SSBP2: variants seen among roughly 807,000 people sequenced by gnomAD.
SSBP2 encodes the protein single-stranded DNA-binding protein 2.
SSBP2 carries 17 observed loss-of-function variants against 61.8 expected under a neutral mutation model. The ratio of observed to expected loss-of-function variants is 0.28; its 90% CI spans 0.19 to 0.41. The LOEUF is 0.41. Ranked by LOEUF, SSBP2 falls within the 10% of genes least tolerant of loss-of-function variation. SSBP2 has a pLI of 1.00. For synonymous variants in SSBP2, 139 were observed against 141.3 expected (o/e 0.98, Z 0.12); for missense variants, 310 against 458.7 (o/e 0.68, Z 2.96).
intron 1 of SSBP2, among the ~76,000 whole-genome samples, chr5:81,678,498 A>C (rs1752156195): frequency 2.6e-5 from 4 of 152,206 alleles, no homozygotes; most frequent in African/African-American, 9.6e-5. Flanking sequence ...GAACAGAAGT[A>C]GTATCTGAGC....
intron 4 of SSBP2, among the ~76,000 whole-genome samples, chr5:81,550,904 G>T (rs1772127254): frequency 6.6e-6 from 1 of 152,062 alleles, no homozygotes; most frequent in African/African-American, 2.4e-5. Context: ...AGACCATCCT[G>T]GGTAACACGA....
At chr5:81,622,386 A>G (rs79574843) in intron 3 of SSBP2, among the ~76,000 whole-genome samples, 13,554 of 152,274 alleles carry the variant, frequency 0.089, 630 homozygotes, top group Admixed American at 0.11. Flanking sequence ...TCCCACCTAT[A>G]AAAGTGGAAG....
chr5:81,468,036 A>G (rs1401951193), intron 8 of SSBP2, among the ~76,000 whole-genome samples: 2 of 152,022 alleles, frequency 1.3e-5, no homozygotes, highest in Non-Finnish European at 1.5e-5. Context: ...GTTGAACTTC[A>G]TAGGATTTGT....
chr5:81,480,083 G>A (rs1250170434), intron 6 of SSBP2, among the ~76,000 whole-genome samples: 1 of 152,106 alleles, frequency 6.6e-6, no homozygotes, highest in Admixed American at 6.6e-5. Flanking sequence ...TATTCCAAAA[G>A]TTCTGAAAGA....
Position 81,415,729 on chromosome 5 carries a change from G to GGGTTTA in SSBP2, c.*4774_*4775insTAAACC. The GGGTTTA allele has an allele frequency of 6.6e-6, 1 of 151,210 alleles. No homozygotes were observed. The allele number at this position is 151,210 out of a possible 1,614,324, so 9.4% of individuals were successfully genotyped here. On this transcript the variant is annotated 3_prime_UTR_variant, in exon 17 of 17. Transcript: ENST00000320672. ...AGATCGAGACCATCCTGGCTAACAC[G>GGGTTTA]GTGAAACCCGGTCTCTACTAAAAAT...
intron 4 of SSBP2, among the ~76,000 whole-genome samples, chr5:81,544,347 C>T (rs183121859): frequency 1.3e-5 from 2 of 152,232 alleles, no homozygotes; most frequent in East Asian, 3.9e-4. Flanking sequence ...GCGCCTGGCC[C>T]ACCTTTATTT....
intron 10 of SSBP2, among the ~76,000 whole-genome samples, chr5:81,455,160 G>T (rs1163128651): frequency 7.1e-6 from 1 of 141,172 alleles, no homozygotes; most frequent in Non-Finnish European, 1.6e-5. Context: ...CAAATTTAAC[G>T]TTCAAAAAAA....
chr5:81,728,188 T>C (rs986955426), intron 1 of SSBP2, among the ~76,000 whole-genome samples: 2 of 152,196 alleles, frequency 1.3e-5, no homozygotes, highest in Non-Finnish European at 2.9e-5. Context: ...ACAAGATAGA[T>C]AATGTAAATG....
chr5:81,548,773 T>C (rs775079487), intron 4 of SSBP2, among the ~76,000 whole-genome samples: 26 of 151,964 alleles, frequency 1.7e-4, no homozygotes, highest in Non-Finnish European at 3.4e-4. Context: ...ATACAAAAAA[T>C]TAGCCAGGTG....
chr5:81,424,324 T>C (rs562091599), intron 16 of SSBP2, among the ~76,000 whole-genome samples: 1 of 152,154 alleles, frequency 6.6e-6, no homozygotes, highest in African/African-American at 2.4e-5. Context: ...CTCAGGAGGC[T>C]GAGTTGGGAG....
chr5:81,493,767 T>A (rs7702345), intron 5 of SSBP2, among the ~76,000 whole-genome samples: 66,362 of 148,284 alleles, frequency 0.45, 17,961 homozygotes, highest in African/African-American at 0.77. Context: ...AAAAAAAAAA[T>A]AAAATAAAAT....
chr5:81,501,258 T>C (rs1187156365), intron 5 of SSBP2, among the ~76,000 whole-genome samples: 1,383 of 52,878 alleles, frequency 0.026, 271 homozygotes, highest in African/African-American at 0.17. Context: ...TATATATATA[T>C]ATATATATAT....
chr5:81,692,154 G>A (rs1288258757), intron 1 of SSBP2, among the ~76,000 whole-genome samples: 1 of 152,154 alleles, frequency 6.6e-6, no homozygotes, highest in Non-Finnish European at 1.5e-5. Flanking sequence ...AAACAAATTT[G>A]GGAAAGCTGC....
At position 81,614,130 on chromosome 5, in the gene SSBP2, G is replaced by A. The variant is rs568068674; in HGVS notation, c.282+1343C>T. The stretch of plus-strand genomic sequence containing the variant: ...AATCCCAGCACTTTGGGAGGCCGAG[G>A]CGGGCGGATCACGAGGTCAGGAGAT... On this transcript the variant is annotated intron_variant, in intron 4 of 16. Coordinates refer to ENST00000320672, the MANE Select transcript of SSBP2 (RefSeq NM_012446.5). 3.0e-3 allele frequency among the ~76,000 whole-genome samples: 452 copies of A among 152,226 alleles called. 2 individuals carry two copies. Among genetic ancestry groups the A allele is most frequent in the African/African-American group, 9.8e-3 (409 of 41,552 alleles).
At chr5:81,645,349 A>T (rs1309045483) in intron 2 of SSBP2, among the ~76,000 whole-genome samples, 1 of 152,198 alleles carries the variant, frequency 6.6e-6, no homozygotes, top group Non-Finnish European at 1.5e-5. Context: ...GATGCTCAAT[A>T]ATTTAGCAAT....
At chr5:81,749,422 C>A (rs1757568255) in intron 1 of SSBP2, among the ~76,000 whole-genome samples, 2 of 152,194 alleles carry the variant, frequency 1.3e-5, no homozygotes. Context: ...CTAGGGCACA[C>A]AAAACTTTCA....
chr5:81,425,909 T>C (rs1486656394), intron 16 of SSBP2, among the ~76,000 whole-genome samples: 6 of 152,308 alleles, frequency 3.9e-5, no homozygotes, highest in East Asian at 1.9e-4. Flanking sequence ...ACTCAATAGA[T>C]ACTTGCTCCC....
intron 10 of SSBP2, among the ~76,000 whole-genome samples, chr5:81,450,667 C>A (rs1763711554): frequency 6.6e-6 from 1 of 152,150 alleles, no homozygotes; most frequent in African/African-American, 2.4e-5. Flanking sequence ...TATATTCCAA[C>A]CAGGGTTTTC....
intron 4 of SSBP2, among the ~76,000 whole-genome samples, chr5:81,543,909 G>A (rs1274192542): frequency 6.6e-6 from 1 of 152,022 alleles, no homozygotes; most frequent in African/African-American, 2.4e-5. Flanking sequence ...TAAATAAAAT[G>A]GATATGTTTG....
Sources: allele counts gnomAD v4.1 joint callset (sites outside exome capture counted in the v4.1 genomes callset), GRCh38; gene constraint gnomAD v4.1.1; transcripts MANE v1.5; gene names NCBI Gene and HGNC (gene_info 2026-07-23, HGNC 2026-07-21).